Variants in ADCYAP1R1 observed in about 807,000 individuals in gnomAD.
ADCYAP1R1 encodes the protein pituitary adenylate cyclase-activating polypeptide type I receptor.
Under a neutral mutation model 67.6 loss-of-function variants are expected in ADCYAP1R1, and 44 were observed. The ratio of observed to expected loss-of-function variants is 0.65; its 90% confidence interval spans 0.51 to 0.84. The LOEUF is 0.84. Ranked by LOEUF, ADCYAP1R1 falls within the 40% of genes least tolerant of loss-of-function variation. The pLI, the probability that ADCYAP1R1 is intolerant of heterozygous loss-of-function variation, is 0.00. For missense variants in ADCYAP1R1, 477 were observed against 587.9 expected (o/e 0.81, Z 1.95); for synonymous variants, 222 against 219.6 (o/e 1.01, Z -0.10).
At chr7:31,055,327 A>AAG (rs1482712720) in intron 1 of ADCYAP1R1, among the ~76,000 whole-genome samples, 2 of 121,588 alleles carry the variant, frequency 1.6e-5, no homozygotes, top group Non-Finnish European at 3.3e-5. Flanking sequence ...GAATGGAGGA[A>AAG]AGTGTGTGTG....
rs199506110 is a variant in ADCYAP1R1 at position 31,086,401 on chromosome 7, C to T, written c.687C>T (p.Val229=). The change falls in exon 10 of 16, where the codon GTC becomes GTT. Residue 229 remains valine, a synonymous_variant. Transcript: ENST00000304166. The surrounding 1 kb of genome is among the most constrained non-coding windows in gnomAD (Gnocchi z 5.0). Reference sequence around the variant, plus strand: ...CCCTGCAGGTGGAATGTAAGGCCGTCATGGTTTTCTTCCACTACTGTGTTG... The same window carrying T: ...CCCTGCAGGTGGAATGTAAGGCCGTTATGGTTTTCTTCCACTACTGTGTTG... ...CFISTVECKA[V]MVFFHYCVVS... 1.9e-6 allele frequency: 3 copies of T among 1,614,166 alleles called. No homozygotes were observed. The highest frequency in any genetic ancestry group is 1.7e-6 in the Non-Finnish European group (2 of 1,180,024).
chr7:31,069,223 G>C (rs1794871613), intron 3 of ADCYAP1R1, among the ~76,000 whole-genome samples: 1 of 152,192 alleles, frequency 6.6e-6, no homozygotes, highest in Non-Finnish European at 1.5e-5. Context: ...AAACCAGGCT[G>C]GGGAGCTCAC....
Position 31,086,565 on chromosome 7 carries a change from G to A in ADCYAP1R1, c.823+28G>A. The A allele has an allele frequency of 6.2e-7, 1 of 1,613,720 alleles. No individual in the cohort carries two copies. The highest frequency in any genetic ancestry group is 8.5e-7 in the Non-Finnish European group (1 of 1,179,780). On this transcript the variant is annotated intron_variant, in intron 10 of 15. Coordinates refer to ENST00000304166, the MANE Select transcript of ADCYAP1R1 (RefSeq NM_001118.5). The surrounding 1 kb of genome is among the most constrained non-coding windows in gnomAD (Gnocchi z 5.0). ...AGGTTCCTGGCTGTGGCTTGGACAG[G>A]TTCAGGTCCCGTGGTCAGGTGTGTC...
rs1225717806 is a variant in ADCYAP1R1, at chr7:31,108,832, T to A, written c.*2148T>A. ...TTTTCCCTTTCTTGGAAATGGACCT[T>A]CTGTCCCTTCCATTTGGACACCACA... On this transcript the variant is annotated 3_prime_UTR_variant, in exon 16 of 16. Coordinates refer to ENST00000304166, the MANE Select transcript of ADCYAP1R1 (RefSeq NM_001118.5). The A allele has an allele frequency of 6.6e-6, 1 of 152,184 alleles. No homozygotes were observed. The highest frequency in any genetic ancestry group is 1.5e-5 in the Non-Finnish European group (1 of 68,114). The allele number at this position is 152,184 out of a possible 1,614,324, so 9.4% of individuals were successfully genotyped here.
intron 6 of ADCYAP1R1, among the ~76,000 whole-genome samples, chr7:31,083,703 A>C (rs537141902): frequency 1.3e-5 from 2 of 151,974 alleles, no homozygotes; most frequent in Non-Finnish European, 2.9e-5. Flanking sequence ...CCCCACCCAC[A>C]CCCTGCAGTC....
At chr7:31,105,205 TG>T (rs1310035761) in intron 15 of ADCYAP1R1, among the ~76,000 whole-genome samples, 1 of 152,218 alleles carries the variant, frequency 6.6e-6, no homozygotes, top group African/African-American at 2.4e-5. Context: ...CAGATCTCCC[TG>T]GGAGGGTCCT....
intron 11 of ADCYAP1R1, 137 bp downstream of exon 11, chr7:31,087,140 G>A: frequency 9.8e-7 from 1 of 1,018,188 alleles, no homozygotes. Context: ...GCCCAGCACT[G>A]GGCACCACCT....
In ADCYAP1R1 at chr7:31,080,548, C is replaced by T. The variant is rs982214441; in HGVS notation, c.266-65C>T. 2.6e-6 allele frequency: 4 copies of T among 1,550,878 alleles called. No homozygotes were observed. The African/African-American group carries it at 4.1e-5, about 16-fold the overall frequency. ...TCAGCAAGACCCAAGGAGAGCAGCC[C>T]CTGACTTTTCTCACCCCGCTGCTCA... On this transcript the variant is annotated intron_variant, in intron 4 of 15. Transcript: ENST00000304166.
At chr7:31,068,327 C>T (rs999319283) in intron 3 of ADCYAP1R1, among the ~76,000 whole-genome samples, 33 of 152,198 alleles carry the variant, frequency 2.2e-4, no homozygotes, top group Admixed American at 1.8e-3. Flanking sequence ...GACACAGAGA[C>T]GTTAGGTTGC....
At position 31,084,349 on chromosome 7, in the gene ADCYAP1R1, G is replaced by A. The variant is rs549639191; in HGVS notation, c.438+99G>A. 6.4e-6 allele frequency: 6 copies of A among 935,228 alleles called. No individual in the cohort carries two copies. The East Asian group carries it at 9.8e-5, about 15-fold the overall frequency. 57.9% of individuals were successfully genotyped at this position (935,228 alleles called of 1,614,324 possible). ...CATGAGCACCTGCTGGGGCTGAGAA[G>A]CAACTGGGATGCTGCCTACTCCTCC... On this transcript the variant is annotated intron_variant, in intron 7 of 15. Coordinates refer to ENST00000304166, the MANE Select transcript of ADCYAP1R1 (RefSeq NM_001118.5).
rs1796813185 is a variant in ADCYAP1R1, at chr7:31,110,284, T to C, written c.*3600T>C. 6.6e-6 allele frequency: 1 copy of C among 152,092 alleles called. No homozygotes were observed. Among genetic ancestry groups the C allele is most frequent in the Non-Finnish European group, 1.5e-5 (1 of 68,032 alleles). 9.4% of individuals were successfully genotyped at this position (152,092 alleles called of 1,614,324 possible). ...AAGTCCTCCTTGAGCCCAGGGACCA[T>C]GGAAGTCAGCTAGAAGAGCCCTGAG... On this transcript the variant is annotated 3_prime_UTR_variant, in exon 16 of 16. Transcript: ENST00000304166.
In ADCYAP1R1 at chr7:31,086,762, C is replaced by T. The variant is rs938504305; in HGVS notation, c.824-181C>T. Among the ~76,000 whole-genome samples, 1 of 152,184 alleles carries T rather than the reference C, an allele frequency of 6.6e-6. No homozygotes were observed. The highest frequency in any genetic ancestry group is 1.9e-4 in the East Asian group (1 of 5,192). On this transcript the variant is annotated intron_variant, in intron 10 of 15. Coordinates refer to ENST00000304166, the MANE Select transcript of ADCYAP1R1 (RefSeq NM_001118.5). This position sits in a 1 kb window ranked among gnomAD's most constrained non-coding sequence, Gnocchi z 5.0. The stretch of plus-strand genomic sequence containing the variant: ...TCCAGGAGTCCTCTGAGAGACAAGA[C>T]AGCCCTTGGTCTGAGGGAGATATAG...
In ADCYAP1R1 at chr7:31,081,720, T is replaced by A. The variant is rs564875977; in HGVS notation, c.294T>A (p.Ser98=). The change falls in exon 6 of 16, where the codon TCT becomes TCA. Residue 98 remains serine (S), a synonymous_variant. Transcript: ENST00000304166. ...QVWETETIGE[S]DFGDSNSLDL... ...TATGTCTGTATTTTTCAGGAGAGTC[T>A]GATTTTGGTGACAGTAACTCCTTAG... 1 of 1,598,274 alleles carries A rather than the reference T, an allele frequency of 6.3e-7. No individual in the cohort carries two copies. Among genetic ancestry groups the A allele is most frequent in the South Asian group, 1.2e-5 (1 of 86,584 alleles).
chr7:31,076,054 A>G (rs1047128594), intron 3 of ADCYAP1R1, among the ~76,000 whole-genome samples: 15 of 152,114 alleles, frequency 9.9e-5, no homozygotes, highest in Admixed American at 9.2e-4. Context: ...TTGGTTCTTC[A>G]AGGTGGGGGT....
At chr7:31,070,203 G>T (rs948636179) in intron 3 of ADCYAP1R1, among the ~76,000 whole-genome samples, 1 of 152,246 alleles carries the variant, frequency 6.6e-6, no homozygotes, top group African/African-American at 2.4e-5. Flanking sequence ...CCCAGGCTCC[G>T]TTCCTTCTGC....
chr7:31,097,400 C>G (rs898467181), intron 13 of ADCYAP1R1, among the ~76,000 whole-genome samples: 1 of 152,242 alleles, frequency 6.6e-6, no homozygotes, highest in Admixed American at 6.5e-5. Context: ...CTTTCTCCCA[C>G]CGTGTCTCTG....
Position 31,055,328 on chromosome 7 carries a change from A to AGTGTGT in ADCYAP1R1, c.-72+2676_-72+2681dup, listed in dbSNP as rs34731040. 7.1e-3 allele frequency among the ~76,000 whole-genome samples: 1,059 copies of AGTGTGT among 148,400 alleles called. 9 individuals carry two copies. Among genetic ancestry groups the AGTGTGT allele is most frequent in the African/African-American group, 0.025 (1,016 of 40,610 alleles). On this transcript the variant is annotated intron_variant, in intron 1 of 15. Transcript: ENST00000304166. ...CTGAGTATTGAATTGAATGGAGGAA[A>AGTGTGT]GTGTGTGTGTGTGTGTGTGTGTGTG... is the stretch of plus-strand genomic sequence containing the variant.
At position 31,107,980 on chromosome 7, in the gene ADCYAP1R1, G is replaced by A. The variant is rs1796715254; in HGVS notation, c.*1296G>A. ...GCTGCAGGTTGCACACCCTCAGCCT[G>A]AGAATGTAAAATAGGGCAGTGCCCA... is the stretch of plus-strand genomic sequence containing the variant. On this transcript the variant is annotated 3_prime_UTR_variant, in exon 16 of 16. Coordinates refer to ENST00000304166, the MANE Select transcript of ADCYAP1R1 (RefSeq NM_001118.5). The A allele has an allele frequency of 6.6e-6, 1 of 152,274 alleles. No individual in the cohort carries two copies. The highest frequency in any genetic ancestry group is 1.5e-5 in the Non-Finnish European group (1 of 68,100). The allele number at this position is 152,274 out of a possible 1,614,324, so 9.4% of individuals were successfully genotyped here.
intron 13 of ADCYAP1R1, among the ~76,000 whole-genome samples, chr7:31,093,508 T>A (rs73688763): frequency 0.01 from 1,590 of 152,140 alleles, 24 homozygotes; most frequent in African/African-American, 0.036. Flanking sequence ...CCACCTCCCA[T>A]CTCTGGCTGT....
Sources: allele counts gnomAD v4.1 joint callset (sites outside exome capture counted in the v4.1 genomes callset), GRCh38; gene constraint gnomAD v4.1.1; non-coding constraint Gnocchi (gnomAD v3.1); transcripts MANE v1.5; gene names NCBI Gene and HGNC (gene_info 2026-07-23, HGNC 2026-07-21).